PCDH15: variants seen among roughly 807,000 people sequenced by gnomAD.
The protein encoded by PCDH15 is protocadherin-15.
In PCDH15, 129 loss-of-function variants were observed where a neutral mutation model predicts 178.5. The ratio of observed to expected loss-of-function variants is 0.72; its 90% CI spans 0.63 to 0.84. The LOEUF is 0.84. Ranked by LOEUF, PCDH15 falls within the 40% of genes least tolerant of loss-of-function variation. The pLI is 0.00. For missense variants in PCDH15, 2,230 were observed against 2,099.9 expected (o/e 1.06, Z -1.21); for synonymous variants, 800 against 732.0 (o/e 1.09, Z -1.50).
intron 2 of PCDH15, among the ~76,000 whole-genome samples, chr10:55,571,758 A>G (rs1031244780): frequency 1.3e-5 from 2 of 152,132 alleles, no homozygotes; most frequent in Admixed American, 1.3e-4. Flanking sequence ...ACAAATAAAC[A>G]CTAAGATAGT....
intron 3 of PCDH15, among the ~76,000 whole-genome samples, chr10:54,523,314 AC>A (rs760551306): frequency 3.0e-4 from 46 of 152,160 alleles, no homozygotes; most frequent in Non-Finnish European, 2.6e-4. Context: ...TTTGAATTTA[AC>A]CAAAAGTAGT....
At chr10:54,496,792 A>G (rs2080158107) in intron 3 of PCDH15, among the ~76,000 whole-genome samples, 1 of 152,166 alleles carries the variant, frequency 6.6e-6, no homozygotes, top group Non-Finnish European at 1.5e-5. Flanking sequence ...ATATATTTAA[A>G]AATAGTAAAT....
chr10:53,876,190 G>GT (rs1203205808), intron 26 of PCDH15, among the ~76,000 whole-genome samples: 17 of 56,834 alleles, frequency 3.0e-4, no homozygotes, highest in East Asian at 7.5e-3. Context: ...TTTTTTTTTT[G>GT]TTTTTTTGTT....
In PCDH15 at chr10:55,306,248, G is replaced by A. The variant is rs539020778; in HGVS notation, c.-156+13351C>T. ...TATTGAACTTGCCCACCTGAAAGTT[G>A]AGATAAAGCTCGTTAACTCAGCAAG... On this transcript the variant is annotated intron_variant, in intron 1 of 5. Coordinates refer to the PCDH15 transcript ENST00000458638. Among the ~76,000 whole-genome samples, 9 of 152,294 alleles carry A rather than the reference G, an allele frequency of 5.9e-5. No individual in the cohort carries two copies. In the East Asian group the frequency reaches 1.7e-3, roughly 29 times the overall value.
intron 2 of PCDH15, among the ~76,000 whole-genome samples, chr10:55,096,576 G>C (rs10763182): frequency 0.32 from 48,915 of 151,876 alleles, 8,387 homozygotes; most frequent in African/African-American, 0.44. Flanking sequence ...CTGCATATTA[G>C]GTCTCCAGAA....
chr10:54,844,935 G>T (rs986978613), intron 3 of PCDH15, among the ~76,000 whole-genome samples: 1 of 151,830 alleles, frequency 6.6e-6, no homozygotes, highest in African/African-American at 2.4e-5. Flanking sequence ...TCAAAAAGCA[G>T]AATTAAGAGC....
intron 21 of PCDH15, among the ~76,000 whole-genome samples, chr10:53,971,093 T>G (rs2089633671): frequency 6.6e-6 from 1 of 152,122 alleles, no homozygotes; most frequent in Non-Finnish European, 1.5e-5. Context: ...TCCACCACAA[T>G]CAAGTGGGCC....
chr10:54,547,948 G>C (rs928377354), intron 2 of PCDH15, among the ~76,000 whole-genome samples: 1 of 151,330 alleles, frequency 6.6e-6, no homozygotes, highest in African/African-American at 2.4e-5. Context: ...GATTTGATAT[G>C]ATATTAAACT....
intron 2 of PCDH15, among the ~76,000 whole-genome samples, chr10:55,539,862 G>A (rs1283462398): frequency 3.3e-5 from 5 of 151,918 alleles, no homozygotes; most frequent in Admixed American, 6.6e-5. Flanking sequence ...TACGACCCAG[G>A]TACTCTTGTA....
chr10:53,928,437 C>T (rs1474951379), intron 25 of PCDH15, among the ~76,000 whole-genome samples: 12 of 151,912 alleles, frequency 7.9e-5, no homozygotes, highest in Non-Finnish European at 1.8e-4. Context: ...CAGACCTGAC[C>T]TTGATTATAT....
chr10:55,180,469 A>G (rs1251902006), intron 1 of PCDH15, among the ~76,000 whole-genome samples: 3 of 152,142 alleles, frequency 2.0e-5, no homozygotes, highest in Non-Finnish European at 2.9e-5. Context: ...GAAATAGTTA[A>G]GAAGCTATTG....
chr10:55,456,186 CT>C (rs1839547832), intron 2 of PCDH15, among the ~76,000 whole-genome samples: 1 of 151,908 alleles, frequency 6.6e-6, no homozygotes, highest in Non-Finnish European at 1.5e-5. Flanking sequence ...GGATGTGATG[CT>C]TTTTGGCAAA....
intron 2 of PCDH15, among the ~76,000 whole-genome samples, chr10:55,114,556 T>C (rs75274802): frequency 0.01 from 1,525 of 152,330 alleles, 21 homozygotes; most frequent in African/African-American, 0.035. Context: ...CTTGTAGCTA[T>C]GTAAGACAAC....
At chr10:55,594,559 C>A (rs1842904747) in intron 2 of PCDH15, among the ~76,000 whole-genome samples, 1 of 151,902 alleles carries the variant, frequency 6.6e-6, no homozygotes, top group Non-Finnish European at 1.5e-5. Flanking sequence ...GGTGTGGCTG[C>A]AGGAAGTTGA....
At chr10:54,955,279 G>T (rs957791839) in intron 2 of PCDH15, among the ~76,000 whole-genome samples, 1 of 151,094 alleles carries the variant, frequency 6.6e-6, no homozygotes, top group Non-Finnish European at 1.5e-5. Flanking sequence ...AAGAGGAAAA[G>T]AACTTTTGTT....
rs1049925271 is a variant in PCDH15 at position 55,235,107 on chromosome 10, A to C, written c.-155-68456T>G. 3.3e-5 allele frequency among the ~76,000 whole-genome samples: 5 copies of C among 152,204 alleles called. No homozygotes were observed. In the East Asian group the frequency reaches 7.7e-4, roughly 24 times the overall value. The stretch of plus-strand genomic sequence containing the variant: ...GAAGTGAAAAAATAAGGAGTTTGGC[A>C]TTTTAACCAAATTTTAAAATATATC... On this transcript the variant is annotated intron_variant, in intron 1 of 5. Coordinates refer to the PCDH15 transcript ENST00000458638.
chr10:55,249,542 C>T (rs1160623769), intron 1 of PCDH15, among the ~76,000 whole-genome samples: 6 of 151,888 alleles, frequency 4.0e-5, no homozygotes, highest in Admixed American at 2.0e-4. Flanking sequence ...AAGCAAAGAC[C>T]CAGTAAAAAA....
intron 2 of PCDH15, chr10:54,605,884 G>C (rs2092719645): frequency 6.6e-6 from 1 of 152,094 alleles, no homozygotes; most frequent in South Asian, 2.1e-4. Flanking sequence ...AGTTCCTCAG[G>C]TAGCAGCTGG....
At chr10:54,622,039 G>A (rs1294507154) in intron 2 of PCDH15, among the ~76,000 whole-genome samples, 1 of 151,694 alleles carries the variant, frequency 6.6e-6, no homozygotes, top group Non-Finnish European at 1.5e-5. Context: ...GTGGTTTTCT[G>A]TGCTTACTAA....
Sources: gnomAD v4.1 joint callset for allele counts (sites outside exome capture counted in the v4.1 genomes callset) on GRCh38, gnomAD v4.1.1 for gene constraint, MANE v1.5 for transcripts, NCBI Gene and HGNC (gene_info 2026-07-23, HGNC 2026-07-21) for gene names.